The following GPD1L variants were observed in gnomAD, a reference collection of about 807,000 sequenced individuals.
GPD1L encodes the protein glycerol-3-phosphate dehydrogenase 1-like protein.
GPD1L carries 17 observed loss-of-function variants against 32.9 expected under a neutral mutation model. The observed-to-expected ratio is 0.52, with a 90% CI of 0.35 to 0.78. The LOEUF (loss-of-function observed/expected upper bound fraction) is 0.78, where lower values mean the gene tolerates loss of function less well. Among genes scored for constraint, GPD1L ranks in the 30% least tolerant of loss-of-function variants. The probability of loss-of-function intolerance (pLI) is 0.01; values close to 1 mark genes in which losing one functional copy is unlikely to be tolerated. For missense variants in GPD1L, 361 were observed against 447.8 expected (o/e 0.81, Z 1.75); for synonymous variants, 187 against 165.9 (o/e 1.13, Z -0.98).
At chr3:32,147,879 A>G (rs1249752913) in intron 5 of GPD1L, among the ~76,000 whole-genome samples, 1 of 152,170 alleles carries the variant, frequency 6.6e-6, no homozygotes, top group Admixed American at 6.5e-5. Context: ...CATTGTGTAT[A>G]TATGTGTGGT....
At chr3:32,156,667 A>C (rs1161957245) in intron 5 of GPD1L, among the ~76,000 whole-genome samples, 2 of 152,090 alleles carry the variant, frequency 1.3e-5, no homozygotes, top group African/African-American at 2.4e-5. Context: ...GGTAAGCAAT[A>C]GCTGTATCTA....
intron 1 of GPD1L, among the ~76,000 whole-genome samples, chr3:32,122,034 G>T (rs1168041797): frequency 6.6e-6 from 1 of 152,100 alleles, no homozygotes; most frequent in Non-Finnish European, 1.5e-5. Context: ...CTCCCAAAGT[G>T]CTGGGATTAC....
chr3:32,119,873 G>A (rs577030294), intron 1 of GPD1L, among the ~76,000 whole-genome samples: 14 of 152,250 alleles, frequency 9.2e-5, no homozygotes, highest in Non-Finnish European at 1.9e-4. Flanking sequence ...CTGGACCTCC[G>A]CTTCCTCCAT....
Position 32,106,809 on chromosome 3 carries a change from T to C in GPD1L, c.47+51T>C. On this transcript the variant is annotated intron_variant, in intron 1 of 7. Coordinates refer to ENST00000282541, the MANE Select transcript of GPD1L (RefSeq NM_015141.4). This position sits in a 1 kb window ranked among gnomAD's most constrained non-coding sequence, Gnocchi z 4.0. ...GGGCTCCGCTTCCAGGAAGCGCCTC[T>C]CCCGGGCGGTGAGGGCTGCGCGCCC... is the stretch of plus-strand genomic sequence containing the variant. 1 of 1,520,474 alleles carries C rather than the reference T, an allele frequency of 6.6e-7. No homozygotes were observed. Among genetic ancestry groups the C allele is most frequent in the Non-Finnish European group, 8.9e-7 (1 of 1,129,912 alleles). 94.2% of individuals were successfully genotyped at this position (1,520,474 alleles called of 1,614,324 possible).
intron 2 of GPD1L, among the ~76,000 whole-genome samples, chr3:32,129,241 A>G (rs1461726985): frequency 1.3e-5 from 2 of 152,182 alleles, no homozygotes; most frequent in Non-Finnish European, 2.9e-5. Flanking sequence ...TTTACTGCAT[A>G]TATTCACTCA....
Position 32,108,544 on chromosome 3 carries a change from C to A in GPD1L, c.47+1786C>A, listed in dbSNP as rs138346085. 6.4e-3 allele frequency among the ~76,000 whole-genome samples: 976 copies of A among 152,180 alleles called. 6 individuals carry two copies. Among genetic ancestry groups the A allele is most frequent in the Middle Eastern group, 0.014 (4 of 294 alleles). ...ACAAAACAAAACAAAAAATAAAAAA[C>A]AAAAACCAAAGAGTACCAAAAACAG... On this transcript the variant is annotated intron_variant, in intron 1 of 7. Transcript: ENST00000282541.
At chr3:32,111,991 T>C (rs1190477642) in intron 1 of GPD1L, among the ~76,000 whole-genome samples, 1 of 152,160 alleles carries the variant, frequency 6.6e-6, no homozygotes, top group Non-Finnish European at 1.5e-5. Context: ...GAAATAATCC[T>C]TCCCTGAGGA....
At position 32,166,315 on chromosome 3, in the gene GPD1L, C is replaced by T; in HGVS notation, c.*405C>T. The T allele has an allele frequency of 3.4e-6, 1 of 295,034 alleles. No homozygotes were observed. Among genetic ancestry groups the T allele is most frequent in the Non-Finnish European group, 6.5e-6 (1 of 153,266 alleles). 18.3% of individuals were successfully genotyped at this position (295,034 alleles called of 1,614,324 possible). ...TCATTTTTCTAGTGTTAAATTTTAA[C>T]CAGCATTAACATGGTAGAGTGGAGG... is the stretch of plus-strand genomic sequence containing the variant. On this transcript the variant is annotated 3_prime_UTR_variant, in exon 8 of 8. Coordinates refer to ENST00000282541, the MANE Select transcript of GPD1L (RefSeq NM_015141.4).
intron 2 of GPD1L, among the ~76,000 whole-genome samples, chr3:32,133,868 A>C (rs1212424964): frequency 2.0e-5 from 3 of 152,236 alleles, no homozygotes; most frequent in African/African-American, 4.8e-5. Context: ...AGACTTGTCC[A>C]CACAGACTTC....
chr3:32,130,775 G>T (rs1559574046), intron 2 of GPD1L, among the ~76,000 whole-genome samples: 1 of 152,132 alleles, frequency 6.6e-6, no homozygotes, highest in Non-Finnish European at 1.5e-5. Flanking sequence ...CACTTTGGGA[G>T]GCTGAGGGGG....
intron 1 of GPD1L, among the ~76,000 whole-genome samples, chr3:32,107,463 G>A (rs1427970283): frequency 6.6e-6 from 1 of 152,168 alleles, no homozygotes; most frequent in Non-Finnish European, 1.5e-5. Flanking sequence ...TTAATCAAAC[G>A]TACACTGTGG....
In GPD1L at chr3:32,167,864, G is replaced by A. The variant is rs990683653; in HGVS notation, c.*1954G>A. On this transcript the variant is annotated 3_prime_UTR_variant, in exon 8 of 8. Transcript: ENST00000282541. ...TAAAGCCCCATACACAGAAGTATAC[G>A]AAAGCACACAAAACACTCCAAGTTT... The A allele has an allele frequency of 5.9e-5, 9 of 152,056 alleles. No individual in the cohort carries two copies. The highest frequency in any genetic ancestry group is 1.4e-4 in the African/African-American group (6 of 41,392). 9.4% of individuals were successfully genotyped at this position (152,056 alleles called of 1,614,324 possible).
chr3:32,155,724 G>A (rs1270532723), intron 5 of GPD1L, among the ~76,000 whole-genome samples: 4 of 152,190 alleles, frequency 2.6e-5, no homozygotes, highest in African/African-American at 9.7e-5. Flanking sequence ...AGTACTGGTT[G>A]CAGCCCCAGT....
chr3:32,109,758 AC>A (rs948836313), intron 1 of GPD1L, among the ~76,000 whole-genome samples: 1 of 152,234 alleles, frequency 6.6e-6, no homozygotes, highest in African/African-American at 2.4e-5. Context: ...CTGTGGTCTG[AC>A]CAGGGATGCA....
chr3:32,128,762 T>C (rs1357097864), intron 2 of GPD1L, among the ~76,000 whole-genome samples: 3 of 152,318 alleles, frequency 2.0e-5, no homozygotes, highest in Non-Finnish European at 4.4e-5. Flanking sequence ...CTCCTTGGCA[T>C]TCAAAGTGCC....
chr3:32,139,558 T>G (rs1353948339), intron 3 of GPD1L, among the ~76,000 whole-genome samples: 1 of 152,210 alleles, frequency 6.6e-6, no homozygotes, highest in Non-Finnish European at 1.5e-5. Context: ...TTCACCAGAC[T>G]ACCAGGGGTA....
intron 5 of GPD1L, among the ~76,000 whole-genome samples, chr3:32,157,209 T>C (rs1251923682): frequency 6.6e-6 from 1 of 151,864 alleles, no homozygotes; most frequent in Admixed American, 6.6e-5. Flanking sequence ...GAACGGAAGC[T>C]TGTGGCTCCT....
At chr3:32,149,327 C>T (rs940324832) in intron 5 of GPD1L, among the ~76,000 whole-genome samples, 21 of 152,176 alleles carry the variant, frequency 1.4e-4, no homozygotes, top group African/African-American at 4.8e-4. Context: ...TCCCAAAGTG[C>T]TGGGATTACA....
At position 32,131,779 on chromosome 3, in the gene GPD1L, TAGG is replaced by T. The variant is rs568222681; in HGVS notation, c.225+3529_225+3531del. On this transcript the variant is annotated intron_variant, in intron 2 of 7. Coordinates refer to ENST00000282541, the MANE Select transcript of GPD1L (RefSeq NM_015141.4). ...TTTTCATTTCTTTTGTGTGTATACC[TAGG>T]AGTAGAGTTAACTTTTTGAGGAACT... is the stretch of plus-strand genomic sequence containing the variant. 3.2e-3 allele frequency among the ~76,000 whole-genome samples: 486 copies of T among 152,380 alleles called. 2 individuals are homozygous for T. The highest frequency in any genetic ancestry group is 0.011 in the African/African-American group (462 of 41,590).
Sources: allele counts gnomAD v4.1 joint callset (sites outside exome capture counted in the v4.1 genomes callset), GRCh38; gene constraint gnomAD v4.1.1; non-coding constraint Gnocchi (gnomAD v3.1); transcripts MANE v1.5; gene names NCBI Gene and HGNC (gene_info 2026-07-23, HGNC 2026-07-21).